The following FURIN variants were observed in gnomAD, a reference collection of about 807,000 sequenced individuals.
The protein encoded by FURIN is FES upstream region.
In FURIN, 18 loss-of-function variants were observed where a neutral mutation model predicts 89.2. That is an observed-to-expected ratio of 0.20 (90% CI 0.14 to 0.30). The LOEUF (loss-of-function observed/expected upper bound fraction) is 0.30. FURIN is among the 10% of genes least tolerant of loss of function. The pLI is 1.00. For synonymous variants in FURIN, 508 were observed against 466.4 expected, an observed-to-expected ratio of 1.09 and a Z score of -1.15; for missense variants, 879 against 1,100.5, an observed-to-expected ratio of 0.80 and a Z score of 2.85.
In FURIN at chr15:90,883,379, C is replaced by T. The variant is rs961176574; in HGVS notation, c.*1501C>T. On this transcript the variant is annotated 3_prime_UTR_variant, in exon 16 of 16. Coordinates refer to ENST00000268171, the MANE Select transcript of FURIN (RefSeq NM_002569.4). ...TTTCTTGTAATTTAAACAGGCCCAG[C>T]ATTGCTGGTTCTATTTAATGGACAT... 2.0e-5 allele frequency: 3 copies of T among 152,834 alleles called. No individual in the cohort carries two copies. Among genetic ancestry groups the T allele is most frequent in the African/African-American group, 7.2e-5 (3 of 41,478 alleles). The allele number at this position is 152,834 out of a possible 1,614,324, so 9.5% of individuals were successfully genotyped here. A position where few individuals can be genotyped will look rare whatever the true frequency, so the allele number is the denominator to read the frequency against.
chr15:90,879,645 C>T, intron 10 of FURIN, 26 bp from the exon 11 acceptor site: 1 of 1,598,892 alleles, frequency 6.3e-7, no homozygotes, highest in African/African-American at 1.3e-5. Context: ...AGACTGATCC[C>T]CAGCCTCTCC....
chr15:90,875,559 T>A (rs1169956453), intron 1 of FURIN, 23 bp from the exon 2 acceptor site: 2 of 531,426 alleles, frequency 3.8e-6, no homozygotes, highest in East Asian at 6.4e-5. Context: ...CTCTCTCCCC[T>A]TTTCCCCTCT....
chr15:90,877,606 C>G lies in FURIN; in HGVS notation c.658C>G (p.Arg220Gly). Reference sequence around the variant, plus strand: ...TGGTGTAGGTGTGGCCTACAACGCCCGCATTGGAGGTGAGTGTGGGCCTGG... The same window carrying G: ...TGGTGTAGGTGTGGCCTACAACGCCGGCATTGGAGGTGAGTGTGGGCCTGG... ...VCGVGVAYNA[R>G]IGGVRMLDGE... Residue 220 changes from arginine to glycine, a missense_variant, in exon 7 of 16, where the codon CGC (arginine) becomes GGC (glycine). By Grantham distance (125) the Arg-to-Gly change is moderately radical. This residue lies in a region of FURIN where 139 missense variants were observed against 215.0 expected (regional missense o/e 0.65). Transcript: ENST00000268171. 6.4e-7 allele frequency: 1 copy of G among 1,565,200 alleles called. No individual in the cohort carries two copies. Among genetic ancestry groups the G allele is most frequent in the Non-Finnish European group, 8.7e-7 (1 of 1,154,366 alleles).
intron 1 of FURIN, among the ~76,000 whole-genome samples, chr15:90,873,300 G>A (rs1484141832): frequency 6.6e-6 from 1 of 151,578 alleles, no homozygotes; most frequent in Non-Finnish European, 1.5e-5. Context: ...TCTTTGGGGG[G>A]ACTGTTCAGT....
rs2031947186 is a variant in FURIN, at chr15:90,881,232, G to A, written c.1793-54G>A. 15 of 1,408,358 alleles carry A rather than the reference G, an allele frequency of 1.1e-5. No homozygotes were observed. The South Asian group carries it at 1.9e-4, about 18-fold the overall frequency. The allele number at this position is 1,408,358 out of a possible 1,614,324, so 87.2% of individuals were successfully genotyped here. A position where few individuals can be genotyped will look rare whatever the true frequency, so the allele number is the denominator to read the frequency against. On this transcript the variant is annotated intron_variant, in intron 15 of 15. Coordinates refer to ENST00000268171, the MANE Select transcript of FURIN (RefSeq NM_002569.4). The surrounding 1 kb of genome is among the most constrained non-coding windows in gnomAD (Gnocchi z 4.3). ...CTTGGCTTGGGGCTGCTGTGGTCCT[G>A]GGGCTACAGTCTGTTTAGCTGACAC...
rs777164290 is a variant in FURIN, at chr15:90,879,965, G to A, written c.1357G>A (p.Asp453Asn). 19 of 1,612,814 alleles carry A rather than the reference G, an allele frequency of 1.2e-5. No homozygotes were observed. The Admixed American group carries it at 1.5e-4, about 13-fold the overall frequency. The part of the protein sequence containing the change: ...TVAPQRKCII[D>N]ILTEPKDIGK... ...GGCCCCCCAGCGGAAGTGCATCATC[G>A]ACATCCTCACCGAGCCCAAGTGAGG... The change falls in exon 12 of 16, where the codon GAC becomes AAC. Residue 453 changes from aspartate to asparagine, a missense_variant. Transcript: ENST00000268171.
intron 1 of FURIN, among the ~76,000 whole-genome samples, chr15:90,871,037 A>C (rs2151218019): frequency 6.6e-6 from 1 of 152,332 alleles, no homozygotes; most frequent in South Asian, 2.1e-4. Context: ...ATGCAGACGA[A>C]GTCGTGACTC....
chr15:90,880,097 C>A lies in FURIN; in HGVS notation c.1380C>A (p.Asp460Glu). 1 of 1,604,126 alleles carries A rather than the reference C, an allele frequency of 6.2e-7. No individual in the cohort carries two copies. Among genetic ancestry groups the A allele is most frequent in the Non-Finnish European group, 8.5e-7 (1 of 1,173,564 alleles). Residue 460 changes from aspartate (D) to glutamate (E), a missense_variant, in exon 13 of 16, where the codon GAC (aspartate) becomes GAA (glutamate). Physicochemically the swap from Asp to Glu is conservative, Grantham distance 45. This residue lies in a region of FURIN where 457 missense variants were observed against 490.7 expected (regional missense o/e 0.93). Coordinates refer to ENST00000268171, the MANE Select transcript of FURIN (RefSeq NM_002569.4). ...CIIDILTEPK[D>E]IGKRLEVRKT... The stretch of plus-strand genomic sequence containing the variant: ...ATCATGGTGCTCTCCTGCACAGAGA[C>A]ATCGGGAAACGGCTCGAGGTGCGGA...
chr15:90,878,095 T>C (rs1224440505), intron 7 of FURIN, 37 bp from the exon 8 acceptor site: 17 of 1,608,890 alleles, frequency 1.1e-5, no homozygotes. Context: ...GCTGGACCCA[T>C]GCAGCATCCC....
At chr15:90,874,208 T>G (rs955356723) in intron 1 of FURIN, among the ~76,000 whole-genome samples, 1 of 152,238 alleles carries the variant, frequency 6.6e-6, no homozygotes, top group Non-Finnish European at 1.5e-5. Flanking sequence ...GGGACAGTTA[T>G]GTGGCCCCGG....
chr15:90,873,023 G>C (rs1277281699), intron 1 of FURIN: 2 of 152,288 alleles, frequency 1.3e-5, no homozygotes, highest in Non-Finnish European at 2.9e-5. Flanking sequence ...CCACAGCCTG[G>C]AACAGAGTCC....
rs747693448 is a variant in FURIN, at chr15:90,876,970, C to T, written c.447C>T (p.Val149=). The change falls in exon 5 of 16, where the codon GTC becomes GTT. Residue 149 remains valine, a synonymous_variant. Coordinates refer to ENST00000268171, the MANE Select transcript of FURIN (RefSeq NM_002569.4). The surrounding 1 kb of genome is among the most constrained non-coding windows in gnomAD (Gnocchi z 5.0). ...AQGYTGHGIV[V]SILDDGIEKN... is the part of the protein sequence containing the mutation. ...GCTACACAGGGCACGGCATTGTGGT[C>T]TCCATTCTGGACGATGGCATCGAGA... 6.2e-7 allele frequency: 1 copy of T among 1,614,122 alleles called. No individual in the cohort carries two copies. The highest frequency in any genetic ancestry group is 8.5e-7 in the Non-Finnish European group (1 of 1,180,002).
Position 90,874,621 on chromosome 15 carries a change from C to G in FURIN, c.-159-961C>G, listed in dbSNP as rs11856143. Among the ~76,000 whole-genome samples the G allele has an allele frequency of 1.8e-3, 268 of 152,330 alleles. 1 individual carries two copies. The highest frequency in any genetic ancestry group is 6.3e-3 in the African/African-American group (263 of 41,570). Reference sequence around the variant, plus strand: ...AGCTGTGGGGCTTTGCGAATAACTCCCTATGGCTGAATCTGCTTTGCTGAA... The same window carrying G: ...AGCTGTGGGGCTTTGCGAATAACTCGCTATGGCTGAATCTGCTTTGCTGAA... On this transcript the variant is annotated intron_variant, in intron 1 of 15. Coordinates refer to ENST00000268171, the MANE Select transcript of FURIN (RefSeq NM_002569.4).
chr15:90,882,131 G>T lies in FURIN; in HGVS notation c.*253G>T. 2.1e-6 allele frequency: 1 copy of T among 478,290 alleles called. No homozygotes were observed. The highest frequency in any genetic ancestry group is 3.7e-6 in the Non-Finnish European group (1 of 268,196). 29.6% of individuals were successfully genotyped at this position (478,290 alleles called of 1,614,324 possible). The stretch of plus-strand genomic sequence containing the variant: ...AGAAAGGAGTGAAACCTTTAGGGCA[G>T]CTTGCCCCGGCCCCGGCCCCAGCCA... On this transcript the variant is annotated 3_prime_UTR_variant, in exon 16 of 16. Coordinates refer to ENST00000268171, the MANE Select transcript of FURIN (RefSeq NM_002569.4).
In FURIN at chr15:90,876,214, A is replaced by C. The variant is rs766418774; in HGVS notation, c.178-41A>C. ...CCCGTCCCCCGCCTCCCGGGGACTG[A>C]CAGATGGAAAGCCCAGCTCAGTCTC... is the stretch of plus-strand genomic sequence containing the variant. On this transcript the variant is annotated intron_variant, in intron 2 of 15. Transcript: ENST00000268171. The surrounding 1 kb of genome is among the most constrained non-coding windows in gnomAD (Gnocchi z 5.0). 7.3e-7 allele frequency: 1 copy of C among 1,366,618 alleles called. No homozygotes were observed. The highest frequency in any genetic ancestry group is 1.0e-6 in the Non-Finnish European group (1 of 955,300). 84.7% of individuals were successfully genotyped at this position (1,366,618 alleles called of 1,614,324 possible). A position where few individuals can be genotyped will look rare whatever the true frequency, so the allele number is the denominator to read the frequency against.
At chr15:90,870,412 C>G (rs2031229798) in intron 1 of FURIN, among the ~76,000 whole-genome samples, 1 of 152,128 alleles carries the variant, frequency 6.6e-6, no homozygotes, top group East Asian at 1.9e-4. Flanking sequence ...GAGGATAAAA[C>G]GGGTTGACAC....
chr15:90,875,196 G>C (rs1438065988), intron 1 of FURIN, among the ~76,000 whole-genome samples: 1 of 151,958 alleles, frequency 6.6e-6, no homozygotes, highest in African/African-American at 2.4e-5. Flanking sequence ...CACCACACTT[G>C]GCTCATGTTT....
chr15:90,877,383 C>A, intron 6 of FURIN, 144 bp from the exon 7 acceptor site: 1 of 876,166 alleles, frequency 1.1e-6, no homozygotes. Flanking sequence ...GGCCACAGGC[C>A]CAGTGGAGTG....
In FURIN at chr15:90,880,946, C is replaced by T. The variant is rs773823572; in HGVS notation, c.1698C>T (p.Phe566=). The change falls in exon 15 of 16, where the codon TTC becomes TTT. Residue 566 remains phenylalanine, a synonymous_variant. Transcript: ENST00000268171. ...EANNYGTLTK[F]TLVLYGTAPE... ...CTGGAACAGGGACGCTGACCAAGTT[C>T]ACCCTCGTACTCTATGGCACCGCCC... The T allele has an allele frequency of 2.0e-5, 33 of 1,613,984 alleles. No individual in the cohort carries two copies. The highest frequency in any genetic ancestry group is 2.0e-5 in the Non-Finnish European group (24 of 1,179,886).
Sources: allele counts gnomAD v4.1 joint callset (sites outside exome capture counted in the v4.1 genomes callset), GRCh38; gene constraint gnomAD v4.1.1; regional missense constraint gnomAD v4.1.1; non-coding constraint Gnocchi (gnomAD v3.1); transcripts MANE v1.5; gene names NCBI Gene and HGNC (gene_info 2026-07-23, HGNC 2026-07-21).